Variants in FRMD3 observed in about 807,000 individuals in gnomAD.
FRMD3 encodes FERM domain-containing protein 3.
A neutral mutation model predicts 70.2 loss-of-function variants in FRMD3; 33 were observed. The ratio of observed to expected loss-of-function variants is 0.47; its 90% CI spans 0.36 to 0.63. The LOEUF (loss-of-function observed/expected upper bound fraction) is 0.63. Among genes scored for constraint, FRMD3 ranks in the 20% least tolerant of loss-of-function variants. The probability of loss-of-function intolerance (pLI) is 0.00; values close to 1 mark genes in which losing one functional copy is unlikely to be tolerated. For missense variants in FRMD3, 632 were observed against 711.4 expected (o/e 0.89, Z 1.27); for synonymous variants, 279 against 255.9 (o/e 1.09, Z -0.86).
intron 12 of FRMD3, chr9:83,297,555 T>C: frequency 3.1e-6 from 1 of 327,184 alleles, no homozygotes. Flanking sequence ...GAATGATATG[T>C]TTTATCATTT....
At chr9:83,373,079 C>G in intron 2 of FRMD3, 124 bp from the exon 3 acceptor site, 1 of 762,222 alleles carries the variant, frequency 1.3e-6, no homozygotes, top group Admixed American at 2.2e-5. Flanking sequence ...CTCCAGAATT[C>G]CACACTCTGA....
chr9:83,316,106 G>A (rs1835556137), intron 6 of FRMD3, among the ~76,000 whole-genome samples: 1 of 151,456 alleles, frequency 6.6e-6, no homozygotes, highest in Non-Finnish European at 1.5e-5. Flanking sequence ...ACTCGGTGAA[G>A]GAAAGGAAGA....
Position 83,318,274 on chromosome 9 carries a change from A to G in FRMD3, c.597-4527T>C, listed in dbSNP as rs1160119094. Among the ~76,000 whole-genome samples the G allele has an allele frequency of 2.0e-5, 3 of 152,180 alleles. No homozygotes were observed. In the East Asian group the frequency reaches 5.8e-4, roughly 29 times the overall value. ...ACCATCCCATATCTTGTACTTTCCA[A>G]TGTCTATTACTCTCCTCTATATGCC... On this transcript the variant is annotated intron_variant, in intron 6 of 13. Coordinates refer to ENST00000304195, the MANE Select transcript of FRMD3 (RefSeq NM_174938.6).
chr9:83,517,945 T>G (rs984885868), intron 1 of FRMD3, among the ~76,000 whole-genome samples: 1 of 152,308 alleles, frequency 6.6e-6, no homozygotes, highest in East Asian at 1.9e-4. Flanking sequence ...CACACCTCCA[T>G]GCTAAAAGCA....
intron 6 of FRMD3, among the ~76,000 whole-genome samples, chr9:83,333,736 C>G (rs530418458): frequency 2.0e-5 from 3 of 152,326 alleles, no homozygotes; most frequent in Non-Finnish European, 4.4e-5. Flanking sequence ...ACCCGACTAC[C>G]TGATTCCCTT....
At chr9:83,469,091 C>G (rs143272474) in intron 1 of FRMD3, among the ~76,000 whole-genome samples, 10 of 152,326 alleles carry the variant, frequency 6.6e-5, no homozygotes, top group Admixed American at 4.6e-4. Context: ...TGCCCAACTA[C>G]ACAGTAAAGC....
At chr9:83,424,159 C>T (rs1285700295) in intron 1 of FRMD3, among the ~76,000 whole-genome samples, 1 of 152,144 alleles carries the variant, frequency 6.6e-6, no homozygotes, top group Admixed American at 6.5e-5. Flanking sequence ...TGGCCATGGC[C>T]CTTGCTGAGA....
chr9:83,266,928 G>T, intron 13 of FRMD3: 2 of 1,378,194 alleles, frequency 1.5e-6, no homozygotes, highest in Non-Finnish European at 9.9e-7. Flanking sequence ...ATTCACCCTG[G>T]GCCTCTCTCC....
chr9:83,548,062 C>T, the FRMD3 span, among the ~76,000 whole-genome samples: 1 of 152,168 alleles, frequency 6.6e-6, no homozygotes, highest in Non-Finnish European at 1.5e-5. Context: ...AAAACTGACA[C>T]TGACAATACC....
intron 2 of FRMD3, among the ~76,000 whole-genome samples, chr9:83,383,988 G>A (rs1825436254): frequency 6.6e-6 from 1 of 152,142 alleles, no homozygotes; most frequent in Non-Finnish European, 1.5e-5. Flanking sequence ...TTCCCCAAAT[G>A]CATCAGTGTT....
At chr9:83,280,505 T>C (rs1360282852) in intron 13 of FRMD3, among the ~76,000 whole-genome samples, 5 of 152,192 alleles carry the variant, frequency 3.3e-5, no homozygotes, top group African/African-American at 1.2e-4. Flanking sequence ...GTCACCACCA[T>C]AACTAGAGCA....
At position 83,438,318 on chromosome 9, in the gene FRMD3, C is replaced by T. The variant is rs138987186; in HGVS notation, c.148-48610G>A. Among the ~76,000 whole-genome samples, 44 of 152,268 alleles carry T rather than the reference C, an allele frequency of 2.9e-4. No individual in the cohort carries two copies. The East Asian group carries it at 7.9e-3, about 27-fold the overall frequency. On this transcript the variant is annotated intron_variant, in intron 1 of 13. Coordinates refer to ENST00000304195, the MANE Select transcript of FRMD3 (RefSeq NM_174938.6). ...TGGAGAAAATCATACTTGTGACTTA[C>T]GGATGATGTCCTAAATAGGTCTCGA...
intron 12 of FRMD3, among the ~76,000 whole-genome samples, chr9:83,295,381 A>C (rs1398939257): frequency 6.6e-6 from 1 of 152,192 alleles, no homozygotes; most frequent in Non-Finnish European, 1.5e-5. Flanking sequence ...AATTAAAAGA[A>C]GTAGTGCCAG....
intron 1 of FRMD3, among the ~76,000 whole-genome samples, chr9:83,431,342 C>A (rs1338407173): frequency 1.3e-5 from 2 of 152,226 alleles, no homozygotes; most frequent in Non-Finnish European, 2.9e-5. Flanking sequence ...ATAATTTATT[C>A]TCCTACATTT....
intron 1 of FRMD3, among the ~76,000 whole-genome samples, chr9:83,442,254 C>CT (rs57472225): frequency 0.035 from 4,221 of 121,470 alleles, 117 homozygotes; most frequent in Middle Eastern, 0.062. Flanking sequence ...TTATACAGAT[C>CT]TTTTTTTTTT....
intron 13 of FRMD3, among the ~76,000 whole-genome samples, chr9:83,249,678 T>C (rs1832309308): frequency 6.6e-6 from 1 of 151,940 alleles, no homozygotes; most frequent in Admixed American, 6.6e-5. Context: ...ATACAAAAGG[T>C]CAACAAGCAC....
At chr9:83,432,272 A>G (rs1587847080) in intron 1 of FRMD3, among the ~76,000 whole-genome samples, 1 of 152,056 alleles carries the variant, frequency 6.6e-6, no homozygotes, top group African/African-American at 2.4e-5. Context: ...TCCTCCATAA[A>G]CCACTTCTAC....
intron 1 of FRMD3, among the ~76,000 whole-genome samples, chr9:83,505,433 G>A (rs1047306716): frequency 2.0e-5 from 3 of 152,148 alleles, no homozygotes; most frequent in African/African-American, 7.2e-5. Flanking sequence ...TTGGCAGCTG[G>A]GGCCGTTTTG....
intron 1 of FRMD3, among the ~76,000 whole-genome samples, chr9:83,420,602 T>G (rs192095584): frequency 6.6e-6 from 1 of 152,278 alleles, no homozygotes; most frequent in Non-Finnish European, 1.5e-5. Flanking sequence ...ATCATTGATA[T>G]GGTTTGGATA....
Sources: allele counts gnomAD v4.1 joint callset (sites outside exome capture counted in the v4.1 genomes callset), GRCh38; gene constraint gnomAD v4.1.1; transcripts MANE v1.5; gene names NCBI Gene and HGNC (gene_info 2026-07-23, HGNC 2026-07-21).